The following COL24A1 variants were observed in gnomAD, a reference collection of about 807,000 sequenced individuals.
COL24A1 encodes collagen alpha-1(XXIV) chain.
Under a neutral mutation model 253.9 loss-of-function variants are expected in COL24A1, and 224 were observed. That is an observed-to-expected ratio of 0.88 (90% CI 0.79 to 0.99). The LOEUF (loss-of-function observed/expected upper bound fraction) is 0.99. Ranked by LOEUF, COL24A1 falls within the 50% of genes least tolerant of loss-of-function variation. COL24A1 has a pLI of 0.00. For synonymous variants in COL24A1, 685 were observed against 673.7 expected (o/e 1.02, Z -0.26); for missense variants, 2,131 against 2,068.5 (o/e 1.03, Z -0.59).
intron 37 of COL24A1, among the ~76,000 whole-genome samples, 197 bp downstream of exon 37, chr1:85,868,322 A>G (rs1680017663): frequency 6.6e-6 from 1 of 152,210 alleles, no homozygotes; most frequent in African/African-American, 2.4e-5. Flanking sequence ...GGCTTATGGA[A>G]AAAGTATCTT....
chr1:86,022,464 A>G, intron 17 of COL24A1, 74 bp downstream of exon 17: 4 of 1,394,420 alleles, frequency 2.9e-6, no homozygotes, highest in Non-Finnish European at 3.0e-6. Context: ...ATACATGGAT[A>G]AAATAATAAG....
chr1:85,852,757 TA>T (rs1677920322), intron 37 of COL24A1, among the ~76,000 whole-genome samples: 1 of 152,230 alleles, frequency 6.6e-6, no homozygotes, highest in Non-Finnish European at 1.5e-5. Flanking sequence ...AAATTGCATT[TA>T]AAAATATCTA....
chr1:86,121,535 A>G (rs1647348539), intron 3 of COL24A1, among the ~76,000 whole-genome samples: 1 of 152,110 alleles, frequency 6.6e-6, no homozygotes, highest in Admixed American at 6.6e-5. Flanking sequence ...AGAGTTGTGA[A>G]AGATTTAAAA....
At chr1:86,135,934 C>T (rs1170284738) in intron 2 of COL24A1, among the ~76,000 whole-genome samples, 1 of 152,044 alleles carries the variant, frequency 6.6e-6, no homozygotes, top group African/African-American at 2.4e-5. Context: ...TAGAAAGATG[C>T]TGGCAGAAGA....
At chr1:85,959,573 C>A (rs896381785) in intron 24 of COL24A1, among the ~76,000 whole-genome samples, 1 of 152,032 alleles carries the variant, frequency 6.6e-6, no homozygotes, top group African/African-American at 2.4e-5. Flanking sequence ...ACCAGAATAA[C>A]AAAATGTATC....
At chr1:86,047,092 T>C (rs139627816) in intron 11 of COL24A1, among the ~76,000 whole-genome samples, 1 of 152,336 alleles carries the variant, frequency 6.6e-6, no homozygotes, top group African/African-American at 2.4e-5. Flanking sequence ...ATCTATCCCA[T>C]CTATACTTCC....
chr1:85,923,186 T>C (rs1297328744), intron 24 of COL24A1, among the ~76,000 whole-genome samples: 2 of 152,212 alleles, frequency 1.3e-5, no homozygotes, highest in Non-Finnish European at 2.9e-5. Context: ...CTTAGGGATC[T>C]ACAAACAGAC....
chr1:86,098,142 T>C (rs912053893), intron 5 of COL24A1, among the ~76,000 whole-genome samples: 17 of 152,320 alleles, frequency 1.1e-4, no homozygotes, highest in African/African-American at 3.8e-4. Context: ...ATACAGCTTG[T>C]CTCCTGAGGA....
rs781585692 is a variant in COL24A1 at position 85,816,861 on chromosome 1, T to C, written c.3878A>G (p.Gln1293Arg). The C allele has an allele frequency of 1.2e-5, 19 of 1,613,920 alleles. No homozygotes were observed. In the South Asian group the frequency reaches 1.3e-4, roughly 11 times the overall value. ...AATGCCATCTGCTCCATGGTATCCT[T>C]GTATGCCTTTTGGCCCAAGTAGGCC... ...LQGLLGPKGI[Q>R]GYHGADGISG... Residue 1293 changes from glutamine (Q) to arginine (R), a missense_variant, in exon 47 of 60, where the codon CAA (glutamine) becomes CGA (arginine). By Grantham distance (43) the Gln-to-Arg change is conservative. Transcript: ENST00000370571.
chr1:86,022,790 A>T (rs774124277), intron 16 of COL24A1, 43 bp downstream of exon 16: 1 of 1,353,360 alleles, frequency 7.4e-7, no homozygotes, highest in Non-Finnish European at 9.8e-7. Flanking sequence ...GTAAAAGACA[A>T]ATGTGATAAA....
chr1:85,731,685 C>A (rs1482793690), intron 59 of COL24A1, among the ~76,000 whole-genome samples: 1 of 152,158 alleles, frequency 6.6e-6, no homozygotes. Context: ...CTTCTAAATG[C>A]TAGTGGCTTA....
At chr1:85,896,208 T>TCTA (rs1383534912) in intron 29 of COL24A1, 143 bp from the exon 30 acceptor site, 2 of 1,154,700 alleles carry the variant, frequency 1.7e-6, no homozygotes, top group African/African-American at 3.1e-5. Flanking sequence ...TCTGCCTGTG[T>TCTA]AGTAAAAACT....
chr1:85,926,518 G>C (rs184180954), intron 24 of COL24A1, among the ~76,000 whole-genome samples: 1 of 152,216 alleles, frequency 6.6e-6, no homozygotes, highest in Non-Finnish European at 1.5e-5. Flanking sequence ...TCCTTTGCAG[G>C]GACATGGATG....
chr1:85,860,920 T>C (rs1221065813), intron 37 of COL24A1, among the ~76,000 whole-genome samples: 1 of 152,216 alleles, frequency 6.6e-6, no homozygotes, highest in East Asian at 1.9e-4. Context: ...GTGATGCCCA[T>C]TTGGGTTGTT....
At chr1:86,023,594 G>A (rs749022179) in intron 14 of COL24A1, among the ~76,000 whole-genome samples, 1 of 152,002 alleles carries the variant, frequency 6.6e-6, no homozygotes, top group Non-Finnish European at 1.5e-5. Flanking sequence ...AGCATAATAT[G>A]TACGAGACAC....
At chr1:85,735,504 TTTTAAC>T (rs1339185548) in intron 58 of COL24A1, among the ~76,000 whole-genome samples, 3 of 152,132 alleles carry the variant, frequency 2.0e-5, no homozygotes, top group Non-Finnish European at 2.9e-5. Context: ...GGTTGAGTAA[TTTTAAC>T]TTTGAGAGCC....
intron 7 of COL24A1, among the ~76,000 whole-genome samples, chr1:86,072,815 A>C (rs1701968683): frequency 6.6e-6 from 1 of 152,212 alleles, no homozygotes; most frequent in Non-Finnish European, 1.5e-5. Context: ...GCTGTTCTGC[A>C]GCCTTCACTG....
intron 24 of COL24A1, among the ~76,000 whole-genome samples, chr1:85,923,011 G>T (rs558330878): frequency 2.0e-4 from 30 of 152,068 alleles, no homozygotes; most frequent in Non-Finnish European, 2.2e-4. Context: ...AAAAGCAGGG[G>T]TTGTAATCCT....
intron 55 of COL24A1, among the ~76,000 whole-genome samples, chr1:85,754,561 A>AG (rs1208135572): frequency 1.8e-4 from 27 of 150,080 alleles, no homozygotes; most frequent in African/African-American, 6.1e-4. Context: ...AAAAAAAAAA[A>AG]AAAAGAACTA....
Sources: gnomAD v4.1 joint callset for allele counts (sites outside exome capture counted in the v4.1 genomes callset) on GRCh38, gnomAD v4.1.1 for gene constraint, MANE v1.5 for transcripts, NCBI Gene and HGNC (gene_info 2026-07-23, HGNC 2026-07-21) for gene names.